The following KIAA1586 variants were observed in gnomAD, a reference collection of about 807,000 sequenced individuals.
KIAA1586 encodes the protein KIAA1586.
In KIAA1586, 5 loss-of-function variants were observed where a neutral mutation model predicts 6.1. The ratio of observed to expected loss-of-function variants is 0.82; its 90% CI spans 0.43 to 1.73. KIAA1586 has a LOEUF of 1.73. KIAA1586 is among the 40% of genes most tolerant of loss of function. KIAA1586 has a pLI of 0.02. For missense variants in KIAA1586, 899 were observed against 878.2 expected, an observed-to-expected ratio of 1.02 and a Z score of -0.30; for synonymous variants, 280 against 301.7, an observed-to-expected ratio of 0.93 and a Z score of 0.75.
At position 57,053,143 on chromosome 6, in the gene KIAA1586, C is replaced by T; in HGVS notation, c.644C>T (p.Ala215Val). 1 of 1,610,996 alleles carries T rather than the reference C, an allele frequency of 6.2e-7. No homozygotes were observed. Among genetic ancestry groups the T allele is most frequent in the Admixed American group, 1.7e-5 (1 of 59,172 alleles). Residue 215 changes from alanine (A) to valine (V), a missense_variant, in exon 4 of 4, where the codon GCC becomes GTC. Ala to Val is a moderately conservative substitution (Grantham distance 64). Coordinates refer to ENST00000370733, the MANE Select transcript of KIAA1586 (RefSeq NM_020931.4). ...ATTAGGGAACATGATGTTTCTAAAG[C>T]CCATGGTAAAATTCAGGATTTGTTA... ...KKIREHDVSK[A>V]HGKIQDLLKE...
Position 57,053,108 on chromosome 6 carries a change from AC to A in KIAA1586, c.610del (p.Arg204GlufsTer20). 1 of 1,610,082 alleles carries A rather than the reference AC, an allele frequency of 6.2e-7. No individual in the cohort carries two copies. The part of the protein sequence containing the change: ...SNKTTRQASL[R>X]KKIREHDVSK... ...ATAAAACTACTAGGCAAGCTTCTCT[AC>A]GAAAAAAAATTAGGGAACATGATGT... On this transcript the variant is annotated frameshift_variant, in exon 4 of 4. Transcript: ENST00000370733. LOFTEE classifies it low-confidence loss of function (END_TRUNC).
chr6:57,048,429 A>G (rs951697388), intron 2 of KIAA1586, among the ~76,000 whole-genome samples: 5 of 152,102 alleles, frequency 3.3e-5, no homozygotes, highest in African/African-American at 4.8e-5. Context: ...TGTTTTGTGT[A>G]TAAGTTCTTT....
At chr6:57,062,553 C>G in the KIAA1586 span, among the ~76,000 whole-genome samples, 1 of 152,216 alleles carries the variant, frequency 6.6e-6, no homozygotes, top group East Asian at 1.9e-4. Context: ...TCAAAGTATT[C>G]CTAGAAGACT....
chr6:57,062,823 G>A, the KIAA1586 span, among the ~76,000 whole-genome samples: 1 of 152,162 alleles, frequency 6.6e-6, no homozygotes, highest in Admixed American at 6.5e-5. Flanking sequence ...GGCCGAGGTG[G>A]GCGGATTGCC....
chr6:57,054,610 G>A lies in KIAA1586; in HGVS notation c.2111G>A (p.Ser704Asn). 1 of 1,602,682 alleles carries A rather than the reference G, an allele frequency of 6.2e-7. No homozygotes were observed. Among genetic ancestry groups the A allele is most frequent in the Non-Finnish European group, 8.5e-7 (1 of 1,172,892 alleles). ...KKIVSTIAINSAEAERGFNLM... is the reference protein window; with the variant it reads ...KKIVSTIAINNAEAERGFNLM... The stretch of plus-strand genomic sequence containing the variant: ...ATAGTTAGCACCATTGCAATCAATA[G>A]TGCTGAAGCTGAAAGGGGTTTCAAT... The change falls in exon 4 of 4, where the codon AGT becomes AAT. Residue 704 changes from serine to asparagine, a missense_variant. Coordinates refer to ENST00000370733, the MANE Select transcript of KIAA1586 (RefSeq NM_020931.4).
chr6:57,063,380 C>T, the KIAA1586 span, among the ~76,000 whole-genome samples: 1 of 150,834 alleles, frequency 6.6e-6, no homozygotes, highest in Non-Finnish European at 1.5e-5. Flanking sequence ...TTTTTAAAAT[C>T]ACATGAGATA....
chr6:57,049,414 A>G (rs1215044994), intron 2 of KIAA1586, among the ~76,000 whole-genome samples: 2 of 152,110 alleles, frequency 1.3e-5, no homozygotes, highest in Non-Finnish European at 1.5e-5. Context: ...ACTTCTTGAT[A>G]TATTCTGGTT....
Position 57,053,238 on chromosome 6 carries a change from G to GT in KIAA1586, c.740dup (p.Val249SerfsTer12). 1 of 1,599,722 alleles carries GT rather than the reference G, an allele frequency of 6.3e-7. No individual in the cohort carries two copies. Among genetic ancestry groups the GT allele is most frequent in the Non-Finnish European group, 8.5e-7 (1 of 1,174,990 alleles). ...AAATAATAAAAATATTGATGCTACT[G>GT]TAAAAGTTTTCAATACTGTTTACAG... On this transcript the variant is annotated frameshift_variant, in exon 4 of 4. Transcript: ENST00000370733. LOFTEE classifies it low-confidence loss of function (END_TRUNC).
chr6:57,063,294 G>A, the KIAA1586 span, among the ~76,000 whole-genome samples: 1 of 152,092 alleles, frequency 6.6e-6, no homozygotes, highest in Admixed American at 6.5e-5. Context: ...AATTTTTTAA[G>A]CTGGTTGTTG....
intron 2 of KIAA1586, among the ~76,000 whole-genome samples, chr6:57,049,961 C>A (rs1265580873): frequency 6.6e-6 from 1 of 151,456 alleles, no homozygotes; most frequent in African/African-American, 2.4e-5. Flanking sequence ...TACTGATAAT[C>A]ATTTCAGTTA....
chr6:57,051,554 T>C (rs1828325194), intron 3 of KIAA1586, among the ~76,000 whole-genome samples: 2 of 151,736 alleles, frequency 1.3e-5, no homozygotes, highest in Admixed American at 6.6e-5. Context: ...AAGGATAGAA[T>C]GTTAATGCAG....
chr6:57,053,387 A>G lies in KIAA1586; in HGVS notation c.888A>G (p.Ala296=). ...CAACAAGAATAGCAGAACATATTGC[A>G]AAAGAAATGAAGATGAAGATATTTA... ...YSATRIAEHI[A]KEMKMKIFKN... Residue 296 remains alanine (A), a synonymous_variant, in exon 4 of 4, where the codon GCA becomes GCG. Coordinates refer to ENST00000370733, the MANE Select transcript of KIAA1586 (RefSeq NM_020931.4). 1 of 1,609,368 alleles carries G rather than the reference A, an allele frequency of 6.2e-7. No homozygotes were observed. The highest frequency in any genetic ancestry group is 1.1e-5 in the South Asian group (1 of 90,300).
rs1466196529 is a variant in KIAA1586, at chr6:57,052,978, G to T, written c.479G>T (p.Gly160Val). 2 of 1,613,870 alleles carry T rather than the reference G, an allele frequency of 1.2e-6. No homozygotes were observed. Among genetic ancestry groups the T allele is most frequent in the South Asian group, 2.2e-5 (2 of 91,062 alleles). The change falls in exon 4 of 4, where the codon GGA becomes GTA. Residue 160 changes from glycine to valine, a missense_variant. Transcript: ENST00000370733. ...CTTGAAATAAAAGAAGGTAAATTAG[G>T]ATGTAAGGATTGTTCAGCAGTTCGG... Reference protein sequence around the residue: ...KWLEIKEGKLGCKDCSAVRHL... With the variant: ...KWLEIKEGKLVCKDCSAVRHL...
At chr6:57,052,610 A>T in intron 3 of KIAA1586, 76 bp from the exon 4 acceptor site, 4 of 1,138,338 alleles carry the variant, frequency 3.5e-6, no homozygotes. Context: ...AAAATTAGAT[A>T]ATCACTAAGA....
chr6:57,056,831 C>A (rs1046716806), downstream of KIAA1586, among the ~76,000 whole-genome samples: 4 of 151,962 alleles, frequency 2.6e-5, no homozygotes, highest in Admixed American at 2.6e-4. Context: ...AACCACCATG[C>A]CTGGCTGAGA....
chr6:57,064,948 T>C, the KIAA1586 span, among the ~76,000 whole-genome samples: 2 of 152,148 alleles, frequency 1.3e-5, no homozygotes, highest in Admixed American at 1.3e-4. Flanking sequence ...CCTGTAGATA[T>C]TCTCTGTGCT....
In KIAA1586 at chr6:57,054,419, T is replaced by C. The variant is rs1335446926; in HGVS notation, c.1920T>C (p.Pro640=). The C allele has an allele frequency of 6.2e-7, 1 of 1,609,864 alleles. No individual in the cohort carries two copies. The highest frequency in any genetic ancestry group is 8.5e-7 in the Non-Finnish European group (1 of 1,178,092). Residue 640 remains proline, a synonymous_variant, in exon 4 of 4, where the codon CCT becomes CCC. Transcript: ENST00000370733. ...YFDLLEPSTW[P]YEEITSPWIA... is the part of the protein sequence containing the mutation. ...ATTTGCTGGAACCTTCCACATGGCC[T>C]TATGAAGAAATAACTTCACCATGGA... is the stretch of plus-strand genomic sequence containing the variant.
chr6:57,057,987 G>A (rs963919488), downstream of KIAA1586, among the ~76,000 whole-genome samples: 6 of 151,858 alleles, frequency 4.0e-5, no homozygotes, highest in Non-Finnish European at 7.4e-5. Context: ...TAGAGACAGG[G>A]TTTCCCCATG....
intron 3 of KIAA1586, among the ~76,000 whole-genome samples, chr6:57,052,164 G>A (rs1828346259): frequency 6.6e-6 from 1 of 152,172 alleles, no homozygotes; most frequent in East Asian, 1.9e-4. Flanking sequence ...TTCCACATCC[G>A]TGGATTCACC....
Sources: gnomAD v4.1 joint callset for allele counts (sites outside exome capture counted in the v4.1 genomes callset) on GRCh38, gnomAD v4.1.1 for gene constraint, MANE v1.5 for transcripts, NCBI Gene and HGNC (gene_info 2026-07-23, HGNC 2026-07-21) for gene names.